The following MEIG1 variants were observed in gnomAD, a reference collection of about 807,000 sequenced individuals.
MEIG1 encodes meiosis expressed gene 1 protein homolog.
MEIG1 carries 12 observed loss-of-function variants against 11.3 expected under a neutral mutation model. That is an observed-to-expected ratio of 1.07 (90% CI 0.68 to 1.73). The LOEUF (loss-of-function observed/expected upper bound fraction) is 1.73. Ranked by LOEUF, MEIG1 falls within the 40% of genes most tolerant of loss-of-function variation. The probability of loss-of-function intolerance (pLI) is 0.00; values close to 1 mark genes in which losing one functional copy is unlikely to be tolerated. For synonymous variants in MEIG1, 41 were observed against 33.2 expected (o/e 1.24, Z -0.81); for missense variants, 119 against 104.9 (o/e 1.13, Z -0.59).
intron 1 of MEIG1, among the ~76,000 whole-genome samples, chr10:14,963,921 A>G (rs1041246165): frequency 2.6e-4 from 40 of 152,092 alleles, no homozygotes; most frequent in African/African-American, 8.7e-4. Context: ...ACACAGTGAA[A>G]CCCCGTCTCT....
downstream of MEIG1, among the ~76,000 whole-genome samples, chr10:14,973,688 T>TGAAC (rs1274996150): frequency 3.8e-5 from 5 of 132,506 alleles, no homozygotes; most frequent in African/African-American, 1.4e-4. Context: ...GAGAATGGTG[T>TGAAC]GAACCCAGGA....
intron 1 of MEIG1, among the ~76,000 whole-genome samples, chr10:14,963,859 G>T (rs557308667): frequency 6.1e-4 from 93 of 152,270 alleles, no homozygotes; most frequent in South Asian, 2.1e-3. Flanking sequence ...AGCCTTTTGG[G>T]GGGCTGAGGC....
chr10:14,987,621 C>T (rs1374908022), intron 2 of MEIG1: 1 of 516,842 alleles, frequency 1.9e-6, no homozygotes, highest in Non-Finnish European at 3.5e-6. Context: ...ACGTGATTTA[C>T]TTTTTAGCTA....
At chr10:14,974,413 GT>G (rs1212466669), downstream of MEIG1, among the ~76,000 whole-genome samples, 1 of 152,134 alleles carries the variant, frequency 6.6e-6, no homozygotes, top group East Asian at 1.9e-4. Flanking sequence ...GCGGTGTATT[GT>G]TTTCCCAGTT....
chr10:14,974,111 C>G (rs138744768), downstream of MEIG1, among the ~76,000 whole-genome samples: 1 of 152,282 alleles, frequency 6.6e-6, no homozygotes, highest in African/African-American at 2.4e-5. Context: ...CCTCTTTAAT[C>G]CTTCCAAGAG....
rs568169971 is a variant in MEIG1, at chr10:14,980,972, C to T, written n.67-5824C>T. On this transcript the variant is annotated intron_variant and non_coding_transcript_variant, in intron 1 of 2. Transcript: ENST00000467536. ...TCAGTGTAGCTTGACGAAGCAAGCG[C>T]AAATCCTGTCCCGGCCTGTAGACCT... Among the ~76,000 whole-genome samples, 9 of 152,236 alleles carry T rather than the reference C, an allele frequency of 5.9e-5. No homozygotes were observed. In the South Asian group the frequency reaches 1.5e-3, roughly 25 times the overall value.
chr10:14,970,086 G>A (rs1306952000), intron 2 of MEIG1, among the ~76,000 whole-genome samples: 1 of 152,148 alleles, frequency 6.6e-6, no homozygotes, highest in African/African-American at 2.4e-5. Context: ...CGGATAGGAT[G>A]GTGACTGAAG....
intron 1 of MEIG1, among the ~76,000 whole-genome samples, chr10:14,965,920 GT>G (rs151179572): frequency 2.6e-5 from 4 of 151,724 alleles, no homozygotes; most frequent in Non-Finnish European, 5.9e-5. Context: ...GGGACTTGGG[GT>G]TTTTTTTGTT....
chr10:14,962,048 C>T (rs763036344), intron 1 of MEIG1, among the ~76,000 whole-genome samples: 23 of 152,222 alleles, frequency 1.5e-4, no homozygotes, highest in Non-Finnish European at 2.1e-4. Flanking sequence ...AAGGATCCTC[C>T]CTCCTCAGTC....
chr10:14,984,800 C>T (rs1396410519), intron 1 of MEIG1, among the ~76,000 whole-genome samples: 1 of 152,006 alleles, frequency 6.6e-6, no homozygotes, highest in Non-Finnish European at 1.5e-5. Flanking sequence ...GATGTTACCC[C>T]TGATGTCACA....
At chr10:14,961,659 T>TTTTTTTTTTTTTTTTTTG (rs1843014965) in intron 1 of MEIG1, among the ~76,000 whole-genome samples, 2 of 143,972 alleles carry the variant, frequency 1.4e-5, no homozygotes, top group Non-Finnish European at 3.0e-5. Context: ...TTTTTTTTTT[T>TTTTTTTTTTTTTTTTTTG]AGTAGAGACA....
At chr10:14,968,798 G>C (rs776172578) in intron 2 of MEIG1, among the ~76,000 whole-genome samples, 15 of 152,218 alleles carry the variant, frequency 9.9e-5, no homozygotes, top group East Asian at 3.9e-4. Context: ...TAAGCTTTGG[G>C]CTGGGCGTGT....
chr10:14,973,222 A>T (rs749765511), downstream of MEIG1, among the ~76,000 whole-genome samples: 3 of 152,076 alleles, frequency 2.0e-5, no homozygotes, highest in Non-Finnish European at 2.9e-5. Flanking sequence ...CACCTTTGAA[A>T]TCATCCCAAT....
At chr10:14,972,393 C>A in intron 2 of MEIG1, 120 bp from the exon 3 acceptor site, 1 of 1,327,252 alleles carries the variant, frequency 7.5e-7, no homozygotes, top group Non-Finnish European at 1.1e-6. Flanking sequence ...CTCAAGCATT[C>A]TAAAATCTAA....
intron 1 of MEIG1, among the ~76,000 whole-genome samples, chr10:14,978,035 G>A (rs528531542): frequency 6.6e-6 from 1 of 151,742 alleles, no homozygotes; most frequent in African/African-American, 2.4e-5. Flanking sequence ...TTCTAGGGGG[G>A]TGTTCCTTTT....
At chr10:14,959,611 C>A (rs961277322) in intron 1 of MEIG1, 54 bp downstream of exon 1, 3 of 152,548 alleles carry the variant, frequency 2.0e-5, no homozygotes, top group Non-Finnish European at 4.4e-5. Flanking sequence ...CCCTGCGCCC[C>A]GGCCGTAGCC....
At chr10:14,986,331 A>C (rs1326283565) in intron 1 of MEIG1, among the ~76,000 whole-genome samples, 1 of 152,276 alleles carries the variant, frequency 6.6e-6, no homozygotes, top group Middle Eastern at 3.4e-3. Context: ...ATCTCAAAAC[A>C]AAAAACAAAA....
In MEIG1 at chr10:14,972,798, C is replaced by T. The variant is rs1843167908; in HGVS notation, c.*157C>T. ...CATGAGAATTGGTATCTGCTAATCA[C>T]CTTGTCCTGTTCTAAGAACTGGCTG... On this transcript the variant is annotated 3_prime_UTR_variant, in exon 3 of 3. Transcript: ENST00000407572. 1.5e-6 allele frequency: 1 copy of T among 656,112 alleles called. No homozygotes were observed. Among genetic ancestry groups the T allele is most frequent in the African/African-American group, 1.8e-5 (1 of 54,312 alleles). The allele number at this position is 656,112 out of a possible 1,614,324, so 40.6% of individuals were successfully genotyped here.
At chr10:14,977,677 C>CCA (rs200237750), downstream of MEIG1, among the ~76,000 whole-genome samples, 2,245 of 151,360 alleles carry the variant, frequency 0.015, 41 homozygotes, top group African/African-American at 0.045. Context: ...GTGGGTATAC[C>CCA]CTGTGATATT....
Sources: gnomAD v4.1 joint callset for allele counts (sites outside exome capture counted in the v4.1 genomes callset) on GRCh38, gnomAD v4.1.1 for gene constraint, MANE v1.5 for transcripts, NCBI Gene and HGNC (gene_info 2026-07-23, HGNC 2026-07-21) for gene names.